The following ST6GAL2 variants were observed in gnomAD, a reference collection of about 807,000 sequenced individuals.
ST6GAL2 encodes beta-galactoside alpha-2,6-sialyltransferase 2.
A neutral mutation model predicts 37.5 loss-of-function variants in ST6GAL2; 24 were observed. The observed-to-expected ratio is 0.64, with a 90% CI of 0.46 to 0.90. The LOEUF (loss-of-function observed/expected upper bound fraction) is 0.90. Ranked by LOEUF, ST6GAL2 falls within the 40% of genes least tolerant of loss-of-function variation. ST6GAL2 has a pLI of 0.00. For synonymous variants in ST6GAL2, 306 were observed against 295.1 expected, an observed-to-expected ratio of 1.04 and a Z score of -0.38; for missense variants, 715 against 712.7, an observed-to-expected ratio of 1.00 and a Z score of -0.04.
chr2:106,807,758 G>A (rs978490290), intron 5 of ST6GAL2, among the ~76,000 whole-genome samples: 4 of 151,190 alleles, frequency 2.6e-5, no homozygotes, highest in South Asian at 2.1e-4. Flanking sequence ...CCAAGTAGCC[G>A]GGACTACAGG....
At chr2:106,807,762 C>G (rs1161723540) in intron 5 of ST6GAL2, among the ~76,000 whole-genome samples, 2 of 151,690 alleles carry the variant, frequency 1.3e-5, no homozygotes, top group Admixed American at 6.6e-5. Flanking sequence ...GTAGCCGGGA[C>G]TACAGGCGCC....
chr2:106,857,701 TG>T (rs374820701), intron 1 of ST6GAL2, among the ~76,000 whole-genome samples: 38 of 152,296 alleles, frequency 2.5e-4, no homozygotes, highest in Non-Finnish European at 5.0e-4. Context: ...ATACAAAATA[TG>T]GCCCTTCAAA....
intron 2 of ST6GAL2, 78 bp downstream of exon 2, chr2:106,842,957 G>A (rs948820907): frequency 1.9e-5 from 21 of 1,115,474 alleles, no homozygotes; most frequent in Non-Finnish European, 2.5e-5. Context: ...GAGATCCAGA[G>A]GCGCGCTCAG....
chr2:106,857,198 C>T (rs2104568001), intron 1 of ST6GAL2, among the ~76,000 whole-genome samples: 1 of 152,272 alleles, frequency 6.6e-6, no homozygotes, highest in South Asian at 2.1e-4. Context: ...TAACATCTTG[C>T]TTTTTATGAT....
At chr2:106,877,542 T>TA (rs1181009410) in intron 1 of ST6GAL2, among the ~76,000 whole-genome samples, 1 of 152,238 alleles carries the variant, frequency 6.6e-6, no homozygotes, top group African/African-American at 2.4e-5. Context: ...GCCTGTGACT[T>TA]AGTCTCTATT....
intron 5 of ST6GAL2, chr2:106,813,349 C>A (rs907031161): frequency 1.7e-6 from 1 of 583,448 alleles, no homozygotes; most frequent in Non-Finnish European, 2.5e-6. Flanking sequence ...AATTATCAAA[C>A]CATTTAAAAA....
intron 2 of ST6GAL2, among the ~76,000 whole-genome samples, chr2:106,842,204 C>A (rs1200176190): frequency 6.6e-6 from 1 of 152,178 alleles, no homozygotes; most frequent in East Asian, 1.9e-4. Flanking sequence ...AGAGTCAAGT[C>A]CTTAAAATAA....
chr2:106,885,523 T>G (rs572633547), intron 1 of ST6GAL2, among the ~76,000 whole-genome samples: 2 of 152,132 alleles, frequency 1.3e-5, no homozygotes, highest in Admixed American at 1.3e-4. Context: ...CGGGAGCCAT[T>G]GAGTTTAACT....
chr2:106,862,873 C>T (rs1480348585), intron 1 of ST6GAL2, among the ~76,000 whole-genome samples: 1 of 151,886 alleles, frequency 6.6e-6, no homozygotes, highest in Non-Finnish European at 1.5e-5. Flanking sequence ...GAAAACAAGT[C>T]ATTGAGCTAT....
At position 106,878,725 on chromosome 2, in the gene ST6GAL2, G is replaced by T. The variant is rs185842066; in HGVS notation, c.-58+7368C>A. Among the ~76,000 whole-genome samples the T allele has an allele frequency of 2.1e-4, 32 of 152,286 alleles. No homozygotes were observed. In the East Asian group the frequency reaches 5.8e-3, roughly 28 times the overall value. On this transcript the variant is annotated intron_variant, in intron 1 of 5. Coordinates refer to ENST00000409382, the MANE Select transcript of ST6GAL2 (RefSeq NM_001142351.2). ...GGAGAATCTGCCTAGGTTATGCAAA[G>T]ATACTATGCCATTTTATATCAGGGA... is the stretch of plus-strand genomic sequence containing the variant.
intron 1 of ST6GAL2, among the ~76,000 whole-genome samples, chr2:106,867,832 G>A (rs1387528544): frequency 2.0e-5 from 3 of 152,252 alleles, no homozygotes; most frequent in Admixed American, 6.5e-5. Context: ...CTTGTGTCCC[G>A]TGGAGGACTC....
chr2:106,871,028 T>C (rs899397366), intron 1 of ST6GAL2, among the ~76,000 whole-genome samples: 3 of 152,170 alleles, frequency 2.0e-5, no homozygotes, highest in African/African-American at 7.2e-5. Context: ...TCACAGCATG[T>C]ACTCACAAAA....
At chr2:106,868,075 A>T (rs949275487) in intron 1 of ST6GAL2, among the ~76,000 whole-genome samples, 2 of 152,160 alleles carry the variant, frequency 1.3e-5, no homozygotes, top group Non-Finnish European at 2.9e-5. Context: ...CGCCAATTCT[A>T]TTTCTTTTAA....
At chr2:106,842,332 T>C (rs529673948) in intron 2 of ST6GAL2, among the ~76,000 whole-genome samples, 22 of 152,322 alleles carry the variant, frequency 1.4e-4, no homozygotes, top group African/African-American at 5.3e-4. Context: ...AGGCAGAGCC[T>C]GGCAGGGAGG....
rs759254626 is a variant in ST6GAL2, at chr2:106,806,776, C to A, written c.1492G>T (p.Gly498Cys). The A allele has an allele frequency of 3.1e-6, 5 of 1,614,148 alleles. No individual in the cohort carries two copies. Among genetic ancestry groups the A allele is most frequent in the Non-Finnish European group, 3.4e-6 (4 of 1,180,040 alleles). The change falls in exon 6 of 6, where the codon GGC (glycine) becomes TGC (cysteine). Residue 498 changes from glycine (G) to cysteine (C), a missense_variant. This residue lies in a region of ST6GAL2 where 198 missense variants were observed against 203.6 expected (regional missense o/e 0.97). Coordinates refer to ENST00000409382, the MANE Select transcript of ST6GAL2 (RefSeq NM_001142351.2). ...TTGCGATGCAAATCCCCCTGCGTGC[C>A]CATGTTCAGGCGCTGCACCAGGAGC... ...EKLLVQRLNM[G>C]TQGDLHRKGK... is the part of the protein sequence containing the mutation.
chr2:106,858,970 G>A (rs1296818615), intron 1 of ST6GAL2, among the ~76,000 whole-genome samples: 1 of 152,174 alleles, frequency 6.6e-6, no homozygotes, highest in Non-Finnish European at 1.5e-5. Flanking sequence ...GCAGGCATGG[G>A]AGTGGGGGCA....
chr2:106,851,785 C>G (rs1397195717), intron 1 of ST6GAL2, among the ~76,000 whole-genome samples: 1 of 150,736 alleles, frequency 6.6e-6, no homozygotes, highest in Non-Finnish European at 1.5e-5. Flanking sequence ...AAAGAGTTGT[C>G]TGGACTAATG....
At position 106,805,656 on chromosome 2, in the gene ST6GAL2, A is replaced by G. The variant is rs1675390813; in HGVS notation, c.*1022T>C. Reference sequence around the variant, plus strand: ...CACTGTGGAGTTCCCACTGGCTGATAAAAACCTGCAAGAAACCTGTATAAT... The same window carrying G: ...CACTGTGGAGTTCCCACTGGCTGATGAAAACCTGCAAGAAACCTGTATAAT... On this transcript the variant is annotated 3_prime_UTR_variant, in exon 6 of 6. Coordinates refer to ENST00000409382, the MANE Select transcript of ST6GAL2 (RefSeq NM_001142351.2). 1 of 152,238 alleles carries G rather than the reference A, an allele frequency of 6.6e-6. No individual in the cohort carries two copies. The highest frequency in any genetic ancestry group is 1.9e-4 in the East Asian group (1 of 5,198). The allele number at this position is 152,238 out of a possible 1,614,324, so 9.4% of individuals were successfully genotyped here. A position where few individuals can be genotyped will look rare whatever the true frequency, so the allele number is the denominator to read the frequency against.
At chr2:106,807,008 T>G (rs1200760232) in intron 5 of ST6GAL2, 59 bp from the exon 6 acceptor site, 11 of 1,467,174 alleles carry the variant, frequency 7.5e-6, no homozygotes, top group South Asian at 3.9e-5. Flanking sequence ...AGGGATGAGT[T>G]TTTTGGGGGA....
Sources: gnomAD v4.1 joint callset for allele counts (sites outside exome capture counted in the v4.1 genomes callset) on GRCh38, gnomAD v4.1.1 for gene constraint, gnomAD v4.1.1 regional missense constraint, MANE v1.5 for transcripts, NCBI Gene and HGNC (gene_info 2026-07-23, HGNC 2026-07-21) for gene names.